Variants in TAFA4 observed in about 807,000 individuals in gnomAD.
TAFA4 encodes TAFA chemokine like family member 4.
A neutral mutation model predicts 21.1 loss-of-function variants in TAFA4; 20 were observed. That is an observed-to-expected ratio of 0.95 (90% confidence interval 0.67 to 1.38). The LOEUF (loss-of-function observed/expected upper bound fraction) is 1.38. Among genes scored for constraint, TAFA4 ranks in the 40% most tolerant of loss-of-function variants. The probability of loss-of-function intolerance (pLI) is 0.00; values close to 1 mark genes in which losing one functional copy is unlikely to be tolerated. For missense variants in TAFA4, 211 were observed against 180.9 expected, an observed-to-expected ratio of 1.17 and a Z score of -0.95; for synonymous variants, 71 against 67.4, an observed-to-expected ratio of 1.05 and a Z score of -0.26.
At chr3:68,832,297 T>C (rs556254706) in intron 3 of TAFA4, among the ~76,000 whole-genome samples, 2 of 152,344 alleles carry the variant, frequency 1.3e-5, no homozygotes, top group South Asian at 4.1e-4. Flanking sequence ...CTGCTCTGGT[T>C]TCTCCCCATC....
Position 68,745,234 on chromosome 3 carries a change from A to G in TAFA4, c.287-6035T>C, listed in dbSNP as rs546083411. The stretch of plus-strand genomic sequence containing the variant: ...AAGCTTCGAGTGCACCTTCAGCCTC[A>G]CTAGCAGGGACAAAGGACTCAGAAG... On this transcript the variant is annotated intron_variant, in intron 4 of 5. Transcript: ENST00000295569. Among the ~76,000 whole-genome samples the G allele has an allele frequency of 2.6e-5, 4 of 152,348 alleles. No individual in the cohort carries two copies. The South Asian group carries it at 6.2e-4, about 24-fold the overall frequency.
chr3:68,788,745 G>A (rs557175933), intron 3 of TAFA4, among the ~76,000 whole-genome samples: 176 of 152,096 alleles, frequency 1.2e-3, no homozygotes, highest in African/African-American at 4.1e-3. Flanking sequence ...CCAAGTAGCT[G>A]GGACTACAGG....
At chr3:68,796,718 T>C (rs1000602413) in intron 3 of TAFA4, among the ~76,000 whole-genome samples, 21 of 152,190 alleles carry the variant, frequency 1.4e-4, no homozygotes, top group African/African-American at 5.1e-4. Flanking sequence ...TGAGAGGAAG[T>C]ATTTGCAAAT....
intron 3 of TAFA4, among the ~76,000 whole-genome samples, chr3:68,820,570 T>C (rs1197131146): frequency 6.6e-6 from 1 of 151,588 alleles, no homozygotes. Flanking sequence ...TTCCATCTAC[T>C]TGGAAGGATT....
At chr3:68,791,646 T>C (rs113989706) in intron 3 of TAFA4, among the ~76,000 whole-genome samples, 3,165 of 152,284 alleles carry the variant, frequency 0.021, 121 homozygotes, top group African/African-American at 0.072. Context: ...AATAAATGAC[T>C]TTGTTTCTGT....
chr3:68,843,917 G>C (rs1466877996), intron 3 of TAFA4, among the ~76,000 whole-genome samples: 1 of 152,194 alleles, frequency 6.6e-6, no homozygotes, highest in East Asian at 1.9e-4. Context: ...GATTTGGTTT[G>C]CCAGTATTTT....
intron 3 of TAFA4, among the ~76,000 whole-genome samples, chr3:68,789,240 A>G (rs1237372031): frequency 6.6e-6 from 1 of 152,086 alleles, no homozygotes; most frequent in African/African-American, 2.4e-5. Context: ...CAAAAAAAAA[A>G]AAAAAAATCT....
chr3:68,740,930 AC>A (rs1201344722), intron 4 of TAFA4, among the ~76,000 whole-genome samples: 1 of 152,066 alleles, frequency 6.6e-6, no homozygotes, highest in Non-Finnish European at 1.5e-5. Flanking sequence ...TAGTCTTGTC[AC>A]CCTGTCAAAG....
intron 1 of TAFA4, among the ~76,000 whole-genome samples, chr3:68,921,149 C>G (rs77744354): frequency 6.6e-6 from 1 of 152,006 alleles, no homozygotes; most frequent in Non-Finnish European, 1.5e-5. Context: ...CCTAGTCGCA[C>G]GCAACACCCT....
Position 68,913,124 on chromosome 3 carries a change from T to C in TAFA4, c.-123+19116A>G, listed in dbSNP as rs536981406. Among the ~76,000 whole-genome samples, 16 of 152,340 alleles carry C rather than the reference T, an allele frequency of 1.1e-4. No homozygotes were observed. The South Asian group carries it at 2.1e-3, about 20-fold the overall frequency. On this transcript the variant is annotated intron_variant, in intron 1 of 5. Coordinates refer to ENST00000295569, the MANE Select transcript of TAFA4 (RefSeq NM_182522.5). ...TCATTTAAACTGCCCTAATTACTTA[T>C]ATGAATAACCACCAAAATAAATAAT...
At chr3:68,752,286 A>G (rs1197920473) in intron 4 of TAFA4, among the ~76,000 whole-genome samples, 1 of 152,148 alleles carries the variant, frequency 6.6e-6, no homozygotes, top group Non-Finnish European at 1.5e-5. Context: ...AAAAGAAATC[A>G]ATCCCAGGCC....
intron 4 of TAFA4, among the ~76,000 whole-genome samples, chr3:68,740,857 T>C (rs961469895): frequency 6.6e-6 from 1 of 152,198 alleles, no homozygotes; most frequent in African/African-American, 2.4e-5. Flanking sequence ...TTCATTCTTT[T>C]GCATGGGAAT....
chr3:68,871,266 T>C (rs1226142775), intron 3 of TAFA4, among the ~76,000 whole-genome samples: 2 of 152,078 alleles, frequency 1.3e-5, no homozygotes, highest in African/African-American at 2.4e-5. Flanking sequence ...CGAATGTTTA[T>C]TGCAGCACTA....
At chr3:68,930,943 GA>G (rs1163330721) in intron 1 of TAFA4, among the ~76,000 whole-genome samples, 1 of 152,178 alleles carries the variant, frequency 6.6e-6, no homozygotes, top group Non-Finnish European at 1.5e-5. Context: ...AGGCCTTCCT[GA>G]ACTGGGCTCT....
chr3:68,849,274 G>T (rs1308061309), intron 3 of TAFA4, among the ~76,000 whole-genome samples: 2 of 152,180 alleles, frequency 1.3e-5, no homozygotes, highest in African/African-American at 2.4e-5. Context: ...AAGACATGAG[G>T]TTTATACCCC....
intron 3 of TAFA4, among the ~76,000 whole-genome samples, chr3:68,810,686 G>T (rs1470069837): frequency 6.6e-6 from 1 of 152,194 alleles, no homozygotes; most frequent in Non-Finnish European, 1.5e-5. Flanking sequence ...AGCTCGAACT[G>T]GGTGGAGCCC....
chr3:68,786,780 A>G (rs1280885364), intron 3 of TAFA4, among the ~76,000 whole-genome samples: 1 of 152,224 alleles, frequency 6.6e-6, no homozygotes, highest in Non-Finnish European at 1.5e-5. Context: ...ATTGCTAATC[A>G]TGATTATTTT....
chr3:68,788,617 A>T (rs886089572), intron 3 of TAFA4, among the ~76,000 whole-genome samples: 1 of 148,342 alleles, frequency 6.7e-6, no homozygotes, highest in Non-Finnish European at 1.5e-5. Context: ...GTGTTTACAT[A>T]TTTTTTTTTT....
intron 3 of TAFA4, among the ~76,000 whole-genome samples, chr3:68,848,780 C>A (rs1003985393): frequency 6.6e-6 from 1 of 152,206 alleles, no homozygotes; most frequent in Non-Finnish European, 1.5e-5. Context: ...CCTAGCCCCT[C>A]TGCCATGTCC....
Sources: allele counts gnomAD v4.1 joint callset (sites outside exome capture counted in the v4.1 genomes callset), GRCh38; gene constraint gnomAD v4.1.1; transcripts MANE v1.5; gene names NCBI Gene and HGNC (gene_info 2026-07-23, HGNC 2026-07-21).